Variants in ACVR1 observed in about 807,000 individuals in gnomAD.
The protein encoded by ACVR1 is activin receptor type-1.
A neutral mutation model predicts 57.1 loss-of-function variants in ACVR1; 38 were observed. The ratio of observed to expected loss-of-function variants is 0.67; its 90% confidence interval spans 0.51 to 0.87. The LOEUF is 0.87. Among genes scored for constraint, ACVR1 ranks in the 40% least tolerant of loss-of-function variants. ACVR1 has a pLI of 0.00. For synonymous variants in ACVR1, 212 were observed against 228.1 expected (o/e 0.93, Z 0.63); for missense variants, 463 against 638.2 (o/e 0.73, Z 2.96).
chr2:157,811,937 A>T (rs1038325051), intron 2 of ACVR1, among the ~76,000 whole-genome samples: 69 of 152,248 alleles, frequency 4.5e-4, no homozygotes, highest in African/African-American at 1.6e-3. Context: ...GCAAATAAGT[A>T]CCTATGAAGT....
chr2:157,863,808 A>T (rs1178705915), intron 1 of ACVR1, among the ~76,000 whole-genome samples: 1 of 152,064 alleles, frequency 6.6e-6, no homozygotes, highest in Non-Finnish European at 1.5e-5. Context: ...TAACAACCCA[A>T]ATTCCAAGTC....
chr2:157,812,372 A>C (rs771920832), intron 2 of ACVR1, among the ~76,000 whole-genome samples: 1 of 152,178 alleles, frequency 6.6e-6, no homozygotes, highest in African/African-American at 2.4e-5. Context: ...ATAAAGAGAT[A>C]ATACGAGACC....
intron 1 of ACVR1, among the ~76,000 whole-genome samples, chr2:157,867,694 A>C (rs62175478): frequency 6.9e-6 from 1 of 144,936 alleles, no homozygotes; most frequent in East Asian, 2.0e-4. Flanking sequence ...TTTTTTTTTA[A>C]TGTTTTAAAT....
intron 9 of ACVR1, among the ~76,000 whole-genome samples, chr2:157,743,248 C>G (rs1006753572): frequency 2.0e-5 from 3 of 152,140 alleles, no homozygotes; most frequent in Non-Finnish European, 4.4e-5. Flanking sequence ...ATTCATGCTT[C>G]TCACCTTCTG....
intron 8 of ACVR1, among the ~76,000 whole-genome samples, chr2:157,765,216 T>C (rs1043211958): frequency 6.6e-6 from 1 of 152,194 alleles, no homozygotes; most frequent in African/African-American, 2.4e-5. Context: ...TCTAACACCA[T>C]AAGAATGAGC....
At chr2:157,857,528 T>C (rs1161831211) in intron 1 of ACVR1, among the ~76,000 whole-genome samples, 1 of 152,162 alleles carries the variant, frequency 6.6e-6, no homozygotes, top group Admixed American at 6.5e-5. Context: ...AGGTCCTCCT[T>C]AATATATTTA....
chr2:157,776,665 C>T (rs1686300431), intron 5 of ACVR1, among the ~76,000 whole-genome samples: 1 of 152,168 alleles, frequency 6.6e-6, no homozygotes, highest in Non-Finnish European at 1.5e-5. Context: ...CAGCCCATAT[C>T]AGGCACTACC....
intron 1 of ACVR1, among the ~76,000 whole-genome samples, chr2:157,855,021 G>C (rs1238197505): frequency 6.6e-6 from 1 of 151,960 alleles, no homozygotes; most frequent in Non-Finnish European, 1.5e-5. Flanking sequence ...CCTGGCAACA[G>C]AGCAAGACAC....
chr2:157,852,625 A>C (rs1689362984), intron 1 of ACVR1, among the ~76,000 whole-genome samples: 1 of 152,222 alleles, frequency 6.6e-6, no homozygotes, highest in Admixed American at 6.5e-5. Flanking sequence ...CATAAAAACA[A>C]AACTATGAAA....
chr2:157,824,531 GAA>G (rs1030870532), intron 1 of ACVR1, among the ~76,000 whole-genome samples: 1 of 152,132 alleles, frequency 6.6e-6, no homozygotes, highest in African/African-American at 2.4e-5. Flanking sequence ...TAGGAAGCCT[GAA>G]AAGAGAACAT....
chr2:157,768,358 T>A (rs897574762), intron 7 of ACVR1, among the ~76,000 whole-genome samples: 21 of 152,112 alleles, frequency 1.4e-4, no homozygotes, highest in African/African-American at 4.3e-4. Flanking sequence ...ATAATACTAA[T>A]CTTTAATGAT....
intron 1 of ACVR1, among the ~76,000 whole-genome samples, chr2:157,838,646 C>T (rs1474225634): frequency 2.6e-5 from 4 of 152,112 alleles, no homozygotes. Flanking sequence ...GCTCATGCTC[C>T]GTGAGTCATG....
intron 1 of ACVR1, among the ~76,000 whole-genome samples, chr2:157,843,510 G>A (rs952735144): frequency 6.6e-6 from 1 of 152,158 alleles, no homozygotes; most frequent in African/African-American, 2.4e-5. Flanking sequence ...TTACACAGGT[G>A]ATAAAACTGA....
intron 7 of ACVR1, among the ~76,000 whole-genome samples, chr2:157,768,428 A>G (rs1219875583): frequency 2.0e-5 from 3 of 152,222 alleles, no homozygotes; most frequent in Non-Finnish European, 2.9e-5. Context: ...AATTACTGTT[A>G]TATATCTGTG....
intron 3 of ACVR1, among the ~76,000 whole-genome samples, chr2:157,795,777 C>G (rs1056966047): frequency 9.2e-5 from 14 of 152,096 alleles, no homozygotes; most frequent in Admixed American, 3.3e-4. Flanking sequence ...TAGCATTGCT[C>G]CATAACTGCC....
intron 3 of ACVR1, among the ~76,000 whole-genome samples, chr2:157,784,626 C>A (rs1686646636): frequency 6.6e-6 from 1 of 152,200 alleles, no homozygotes; most frequent in African/African-American, 2.4e-5. Context: ...AAAACACTCG[C>A]AGCCTGGGCT....
intron 9 of ACVR1, among the ~76,000 whole-genome samples, chr2:157,758,544 T>C (rs1685518235): frequency 6.6e-6 from 1 of 151,966 alleles, no homozygotes; most frequent in African/African-American, 2.4e-5. Flanking sequence ...TGGAGCATTT[T>C]TATACAAAGC....
At chr2:157,743,828 G>GA (rs914436552) in intron 9 of ACVR1, among the ~76,000 whole-genome samples, 2 of 152,016 alleles carry the variant, frequency 1.3e-5, no homozygotes, top group Non-Finnish European at 2.9e-5. Context: ...AAGTTTTGGG[G>GA]ACTTCTCAGT....
chr2:157,800,548 T>C (rs1203135669), intron 2 of ACVR1, among the ~76,000 whole-genome samples: 2 of 152,168 alleles, frequency 1.3e-5, no homozygotes, highest in Admixed American at 6.5e-5. Flanking sequence ...CCATCATATC[T>C]TACCACCCTT....
Sources: gnomAD v4.1 joint callset for allele counts (sites outside exome capture counted in the v4.1 genomes callset) on GRCh38, gnomAD v4.1.1 for gene constraint, MANE v1.5 for transcripts, NCBI Gene and HGNC (gene_info 2026-07-23, HGNC 2026-07-21) for gene names.